Variants in VPS13B observed in about 807,000 individuals in gnomAD.
VPS13B encodes the protein vacuolar protein sorting 13 homolog B.
In VPS13B, 285 loss-of-function variants were observed where a neutral mutation model predicts 426.4. That is an observed-to-expected ratio of 0.67 (90% CI 0.61 to 0.74). The LOEUF is 0.74. VPS13B is among the 30% of genes least tolerant of loss of function. VPS13B has a pLI of 0.00. For synonymous variants in VPS13B, 1,676 were observed against 1,676.4 expected (o/e 1.00, Z 0.01); for missense variants, 4,537 against 4,782.6 (o/e 0.95, Z 1.51).
At chr8:99,555,814 A>T (rs1167721914) in intron 30 of VPS13B, among the ~76,000 whole-genome samples, 1 of 152,174 alleles carries the variant, frequency 6.6e-6, no homozygotes, top group South Asian at 2.1e-4. Flanking sequence ...CCAACTCTAT[A>T]TAGGGCAGTA....
intron 19 of VPS13B, among the ~76,000 whole-genome samples, chr8:99,359,900 T>G (rs976218587): frequency 3.9e-5 from 6 of 152,136 alleles, no homozygotes; most frequent in Admixed American, 1.3e-4. Flanking sequence ...CCTCCTGGGT[T>G]CAAATAGCTC....
At chr8:99,627,765 A>G (rs1195101251) in intron 33 of VPS13B, among the ~76,000 whole-genome samples, 2 of 152,234 alleles carry the variant, frequency 1.3e-5, no homozygotes, top group African/African-American at 4.8e-5. Flanking sequence ...GTCAATCAAA[A>G]ATAATACTAA....
At position 99,871,473 on chromosome 8, in the gene VPS13B, C is replaced by A. The variant is rs1817411525; in HGVS notation, c.11521C>A (p.Pro3841Thr). 6.2e-7 allele frequency: 1 copy of A among 1,614,184 alleles called. No homozygotes were observed. The highest frequency in any genetic ancestry group is 8.5e-7 in the Non-Finnish European group (1 of 1,180,034). The change falls in exon 61 of 62, where the codon CCA becomes ACA. Residue 3841 changes from proline to threonine, a missense_variant. Physicochemically the swap from Pro to Thr is conservative, Grantham distance 38. This residue lies in a region of VPS13B where 4,311 missense variants were observed against 4,474.3 expected (regional missense o/e 0.96). Transcript: ENST00000357162. ...GAAAATGCTTCAGTCTCTGGGCAGA[C>A]CAGAAGTCCACATGGCCCTGGACGT... The part of the protein sequence containing the change: ...VWKMLQSLGR[P>T]EVHMALDVVL...
At chr8:99,456,520 T>G (rs1173257100) in intron 23 of VPS13B, among the ~76,000 whole-genome samples, 1 of 152,170 alleles carries the variant, frequency 6.6e-6, no homozygotes, top group East Asian at 1.9e-4. Flanking sequence ...TTTTATGAAA[T>G]AGTTTTTTGA....
Position 99,642,173 on chromosome 8 carries a change from G to C in VPS13B, c.5583G>C (p.Lys1861Asn), listed in dbSNP as rs1314601552. 6.2e-7 allele frequency: 1 copy of C among 1,614,094 alleles called. No individual in the cohort carries two copies. Among genetic ancestry groups the C allele is most frequent in the South Asian group, 1.1e-5 (1 of 91,070 alleles). ...CAGAAGTTGATTCAGATGTTGCTAA[G>C]CCCAACCAGGCATGTATTTCCACGG... The part of the protein sequence containing the change: ...NLPEVDSDVA[K>N]PNQACISTVT... The change falls in exon 34 of 62, where the codon AAG becomes AAC. Residue 1861 changes from lysine to asparagine, a missense_variant. By Grantham distance (94) the Lys-to-Asn change is moderately conservative. Coordinates refer to ENST00000357162, the MANE Select transcript of VPS13B (RefSeq NM_152564.5).
At chr8:99,866,673 G>A (rs992183003) in intron 58 of VPS13B, among the ~76,000 whole-genome samples, 7 of 152,268 alleles carry the variant, frequency 4.6e-5, no homozygotes, top group Non-Finnish European at 1.0e-4. Flanking sequence ...CACCCTGTGC[G>A]GGTGACCGCA....
chr8:99,017,159 AT>A (rs950801424), intron 2 of VPS13B, among the ~76,000 whole-genome samples: 29 of 152,032 alleles, frequency 1.9e-4, no homozygotes, highest in Middle Eastern at 3.4e-3. Context: ...TTCATCTCAA[AT>A]TTTTTTTCTG....
chr8:99,742,775 AC>A (rs1447563435), intron 39 of VPS13B, among the ~76,000 whole-genome samples: 12 of 152,030 alleles, frequency 7.9e-5, no homozygotes, highest in African/African-American at 1.7e-4. Context: ...AAATTCAACA[AC>A]CCTTCACGCC....
chr8:99,629,130 G>A (rs760740497), intron 33 of VPS13B, among the ~76,000 whole-genome samples: 4 of 152,068 alleles, frequency 2.6e-5, no homozygotes, highest in African/African-American at 4.8e-5. Context: ...TTAAAATGGG[G>A]ATAATAATAG....
At chr8:99,534,176 G>A (rs1477973808) in intron 30 of VPS13B, among the ~76,000 whole-genome samples, 1 of 152,122 alleles carries the variant, frequency 6.6e-6, no homozygotes, top group Non-Finnish European at 1.5e-5. Flanking sequence ...GTATTCTGCT[G>A]ATTTAGTTGA....
intron 23 of VPS13B, among the ~76,000 whole-genome samples, chr8:99,462,563 TAC>T (rs1417620431): frequency 6.6e-6 from 1 of 152,188 alleles, no homozygotes; most frequent in Non-Finnish European, 1.5e-5. Context: ...ACTGATAGTT[TAC>T]AGATCTCTAA....
At chr8:99,310,149 C>T (rs1486743138) in intron 19 of VPS13B, among the ~76,000 whole-genome samples, 1 of 152,162 alleles carries the variant, frequency 6.6e-6, no homozygotes, top group East Asian at 1.9e-4. Flanking sequence ...TTGACTTCCT[C>T]TTTTCCTAAT....
chr8:99,451,265 C>T (rs1482354886), intron 23 of VPS13B, among the ~76,000 whole-genome samples: 1 of 152,122 alleles, frequency 6.6e-6, no homozygotes, highest in Admixed American at 6.5e-5. Flanking sequence ...ACCATCTGTC[C>T]TCTCTATCCC....
intron 13 of VPS13B, among the ~76,000 whole-genome samples, chr8:99,143,861 C>A (rs1244758713): frequency 6.6e-6 from 1 of 152,096 alleles, no homozygotes; most frequent in Admixed American, 6.5e-5. Context: ...CATCCTTTTT[C>A]ATAGTAATAG....
intron 54 of VPS13B, among the ~76,000 whole-genome samples, chr8:99,843,677 C>T (rs1187628059): frequency 6.6e-6 from 1 of 152,182 alleles, no homozygotes; most frequent in African/African-American, 2.4e-5. Context: ...GGGTCTATAC[C>T]CTGGCAGCAA....
At chr8:99,269,149 G>T (rs970337726) in intron 17 of VPS13B, among the ~76,000 whole-genome samples, 1 of 152,080 alleles carries the variant, frequency 6.6e-6, no homozygotes, top group Non-Finnish European at 1.5e-5. Context: ...ACCCAGTCTC[G>T]AGTATTTCTT....
chr8:99,719,707 C>A (rs546637939), intron 37 of VPS13B, among the ~76,000 whole-genome samples: 1 of 152,168 alleles, frequency 6.6e-6, no homozygotes, highest in South Asian at 2.1e-4. Flanking sequence ...TACTCACATG[C>A]AGAAAAATAA....
chr8:99,834,215 T>C (rs1178149001), intron 52 of VPS13B, among the ~76,000 whole-genome samples: 4 of 152,260 alleles, frequency 2.6e-5, no homozygotes, highest in African/African-American at 9.6e-5. Context: ...CTTTGATTAA[T>C]TTTGGCAATC....
At position 99,577,532 on chromosome 8, in the gene VPS13B, A is replaced by T. The variant is rs750038676; in HGVS notation, c.5119A>T (p.Thr1707Ser). The change falls in exon 33 of 62, where the codon ACA (threonine) becomes TCA (serine). Residue 1707 changes from threonine to serine, a missense_variant. Around this residue, in one of 2 missense-constraint regions of VPS13B, gnomAD observed 4,311 missense variants for 4,474.3 expected, o/e 0.96. Transcript: ENST00000357162. ...CGHSLEVNIT[T>S]NLDFFLSVAQ... is the part of the protein sequence containing the mutation. ...CCATTCCTTAGAAGTGAATATAACC[A>T]CAAACCTGGACTTCTTCCTAAGTGT... The T allele has an allele frequency of 6.2e-7, 1 of 1,613,882 alleles. No homozygotes were observed. The highest frequency in any genetic ancestry group is 1.1e-5 in the South Asian group (1 of 91,080).
Sources: allele counts gnomAD v4.1 joint callset (sites outside exome capture counted in the v4.1 genomes callset), GRCh38; gene constraint gnomAD v4.1.1; regional missense constraint gnomAD v4.1.1; transcripts MANE v1.5; gene names NCBI Gene and HGNC (gene_info 2026-07-23, HGNC 2026-07-21).